PPP3CB: variants seen among roughly 807,000 people sequenced by gnomAD.
PPP3CB encodes protein phosphatase 3 catalytic subunit beta, also known as serine/threonine-protein phosphatase 2B catalytic subunit beta isoform.
A neutral mutation model predicts 66.4 loss-of-function variants in PPP3CB; 8 were observed. The observed-to-expected ratio is 0.12, with a 90% CI of 0.07 to 0.22. The LOEUF (loss-of-function observed/expected upper bound fraction) is 0.22. Ranked by LOEUF, PPP3CB falls within the 10% of genes least tolerant of loss-of-function variation. The pLI is 1.00. For missense variants in PPP3CB, 319 were observed against 642.5 expected, an observed-to-expected ratio of 0.50 and a Z score of 5.44; for synonymous variants, 208 against 221.2, an observed-to-expected ratio of 0.94 and a Z score of 0.53.
At chr10:73,479,605 C>A (rs2056843065) in intron 1 of PPP3CB, 88 bp from the exon 2 acceptor site, 4 of 1,265,646 alleles carry the variant, frequency 3.2e-6, no homozygotes. Context: ...AGACTAAAAA[C>A]TGTAAAGCAG....
chr10:73,453,063 A>G (rs1462649765), intron 10 of PPP3CB, among the ~76,000 whole-genome samples: 1 of 152,226 alleles, frequency 6.6e-6, no homozygotes, highest in Non-Finnish European at 1.5e-5. Context: ...AAGAAATGTA[A>G]ACTTAAGCAA....
intron 10 of PPP3CB, chr10:73,448,660 G>A: frequency 1.9e-6 from 1 of 533,366 alleles, no homozygotes; most frequent in South Asian, 1.4e-5. Context: ...TGTCTGGTCT[G>A]TACCTTTTTT....
intron 3 of PPP3CB, among the ~76,000 whole-genome samples, chr10:73,476,918 TAGC>T (rs1204734652): frequency 1.3e-5 from 2 of 152,198 alleles, no homozygotes; most frequent in East Asian, 3.9e-4. Flanking sequence ...CTGAGAATCC[TAGC>T]ACACCTCAGA....
At chr10:73,462,390 AAAAGCAGACT>A (rs2056537375) in intron 9 of PPP3CB, among the ~76,000 whole-genome samples, 1 of 152,020 alleles carries the variant, frequency 6.6e-6, no homozygotes, top group Non-Finnish European at 1.5e-5. Flanking sequence ...AATGGGAGAA[AAAAGCAGACT>A]AGGGATATAA....
rs540869187 is a variant in PPP3CB at position 73,466,748 on chromosome 10, A to G, written c.1108+805T>C. On this transcript the variant is annotated intron_variant, in intron 9 of 13. Transcript: ENST00000360663. ...AGTGACGTATCTCATACAGAAAGGAACATTTTGTAATATGGAAGAGGTGAG... is the reference window on the plus strand; with the variant it reads ...AGTGACGTATCTCATACAGAAAGGAGCATTTTGTAATATGGAAGAGGTGAG... Among the ~76,000 whole-genome samples the G allele has an allele frequency of 1.4e-4, 22 of 152,308 alleles. No individual in the cohort carries two copies. In the East Asian group the frequency reaches 3.3e-3, roughly 23 times the overall value.
intron 3 of PPP3CB, among the ~76,000 whole-genome samples, 163 bp downstream of exon 3, chr10:73,478,336 T>C (rs927676758): frequency 2.6e-5 from 4 of 152,144 alleles, no homozygotes; most frequent in African/African-American, 9.7e-5. Context: ...ATTTGAATTG[T>C]TTGAAAGACA....
rs1405770168 is a variant in PPP3CB, at chr10:73,438,184, C to T, written c.*58G>A. The T allele has an allele frequency of 1.3e-6, 2 of 1,533,888 alleles. No homozygotes were observed. Among genetic ancestry groups the T allele is most frequent in the East Asian group, 4.6e-5 (2 of 43,680 alleles). ...GTCAGCTTGGCCGACCCCTCCAGCT[C>T]CTCGGGTGATCTGTCCATTTGGGGC... On this transcript the variant is annotated 3_prime_UTR_variant, in exon 14 of 14. Coordinates refer to ENST00000360663, the MANE Select transcript of PPP3CB (RefSeq NM_021132.4).
At chr10:73,465,839 G>C (rs1197739346) in intron 9 of PPP3CB, among the ~76,000 whole-genome samples, 2 of 152,202 alleles carry the variant, frequency 1.3e-5, no homozygotes, top group African/African-American at 2.4e-5. Context: ...CAAAGAGTTT[G>C]AGAAGATTTT....
At chr10:73,486,360 C>A (rs369638303) in intron 1 of PPP3CB, among the ~76,000 whole-genome samples, 1 of 140,232 alleles carries the variant, frequency 7.1e-6, no homozygotes, top group African/African-American at 2.7e-5. Context: ...GGCTGGCGTG[C>A]GATGGTGCAA....
At chr10:73,445,677 C>T (rs1262969007) in intron 11 of PPP3CB, among the ~76,000 whole-genome samples, 1 of 151,886 alleles carries the variant, frequency 6.6e-6, no homozygotes, top group African/African-American at 2.4e-5. Context: ...TTGAACTCCG[C>T]CCGCTTTGGC....
At chr10:73,482,706 C>T (rs2056901458) in intron 1 of PPP3CB, among the ~76,000 whole-genome samples, 1 of 151,652 alleles carries the variant, frequency 6.6e-6, no homozygotes, top group Non-Finnish European at 1.5e-5. Flanking sequence ...CAACATCCAC[C>T]TCCTGGGTTC....
At chr10:73,487,898 A>G (rs2057011367) in intron 1 of PPP3CB, among the ~76,000 whole-genome samples, 1 of 151,500 alleles carries the variant, frequency 6.6e-6, no homozygotes, top group African/African-American at 2.4e-5. Flanking sequence ...TCCCTACCTC[A>G]GCCTCTCGAG....
chr10:73,495,777 G>A (rs1415510750), intron 1 of PPP3CB, 28 bp downstream of exon 1: 3 of 1,568,478 alleles, frequency 1.9e-6, no homozygotes, highest in East Asian at 5.1e-5. Flanking sequence ...CTTCAGGCCA[G>A]GCCCCCAGGG....
intron 9 of PPP3CB, among the ~76,000 whole-genome samples, chr10:73,461,200 A>G (rs771216446): frequency 1.1e-4 from 16 of 152,220 alleles, no homozygotes; most frequent in Non-Finnish European, 2.2e-4. Flanking sequence ...TAATCCCAGC[A>G]CTTTGGGAGG....
intron 8 of PPP3CB, 132 bp downstream of exon 8, chr10:73,470,555 T>C: frequency 1.8e-6 from 1 of 548,196 alleles, no homozygotes. Context: ...TTCTCTCCCC[T>C]CCATCTTACA....
chr10:73,472,937 G>C (rs2056726854), intron 4 of PPP3CB, among the ~76,000 whole-genome samples: 1 of 152,016 alleles, frequency 6.6e-6, no homozygotes, highest in South Asian at 2.1e-4. Flanking sequence ...TTTGGTAGGT[G>C]GTTTGTTATT....
intron 1 of PPP3CB, among the ~76,000 whole-genome samples, chr10:73,485,295 A>G (rs911253988): frequency 1.3e-5 from 2 of 152,208 alleles, no homozygotes; most frequent in African/African-American, 4.8e-5. Context: ...AGGAAGTTGG[A>G]AAAAGAAACC....
At chr10:73,474,397 A>G (rs182787112) in intron 4 of PPP3CB, among the ~76,000 whole-genome samples, 101 of 152,172 alleles carry the variant, frequency 6.6e-4, no homozygotes, top group African/African-American at 2.2e-3. Flanking sequence ...TATGTTTGTA[A>G]AAGTTAAACA....
chr10:73,449,761 T>C (rs1282848228), intron 10 of PPP3CB, among the ~76,000 whole-genome samples: 1 of 152,138 alleles, frequency 6.6e-6, no homozygotes, highest in East Asian at 1.9e-4. Flanking sequence ...ACCAAAGATT[T>C]ACCACTTAAC....
Sources: gnomAD v4.1 joint callset for allele counts (sites outside exome capture counted in the v4.1 genomes callset) on GRCh38, gnomAD v4.1.1 for gene constraint, MANE v1.5 for transcripts, NCBI Gene and HGNC (gene_info 2026-07-23, HGNC 2026-07-21) for gene names.